Variants in TM7SF3 observed in about 807,000 individuals in gnomAD.
TM7SF3 encodes the protein seven span transmembrane protein.
A neutral mutation model predicts 65.5 loss-of-function variants in TM7SF3; 60 were observed. That is an observed-to-expected ratio of 0.92 (90% CI 0.74 to 1.14). TM7SF3 has a LOEUF of 1.14. Among genes scored for constraint, TM7SF3 ranks in the 50% most tolerant of loss-of-function variants. The pLI, the probability that TM7SF3 is intolerant of heterozygous loss-of-function variation, is 0.00. For synonymous variants in TM7SF3, 264 were observed against 259.6 expected, an observed-to-expected ratio of 1.02 and a Z score of -0.16; for missense variants, 623 against 684.8, an observed-to-expected ratio of 0.91 and a Z score of 1.01.
Position 26,981,885 on chromosome 12 carries a change from T to C in TM7SF3, c.955+888A>G, listed in dbSNP as rs1939832346. 2.6e-5 allele frequency among the ~76,000 whole-genome samples: 4 copies of C among 152,252 alleles called. No homozygotes were observed. In the South Asian group the frequency reaches 6.2e-4, roughly 24 times the overall value. The stretch of plus-strand genomic sequence containing the variant: ...CTTCAGTGTGTTTCACTGATGTTGA[T>C]GCTGGCATTCCCTTTGGCATCTGAA... On this transcript the variant is annotated intron_variant, in intron 7 of 11. Transcript: ENST00000343028.
At chr12:26,985,787 T>C (rs1210764133) in intron 6 of TM7SF3, among the ~76,000 whole-genome samples, 1 of 143,286 alleles carries the variant, frequency 7.0e-6, no homozygotes, top group Non-Finnish European at 1.5e-5. Flanking sequence ...GAGCCTTTGC[T>C]TGGCCAAATT....
In TM7SF3 at chr12:26,995,150, G is replaced by C. The variant is rs565655578; in HGVS notation, c.690+87C>G. ...CCCCCAAAAAGGAGAAAAGAGTAAA[G>C]AAATAAGATCCTGGTAGCTTCTCCC... On this transcript the variant is annotated intron_variant, in intron 5 of 11. Coordinates refer to ENST00000343028, the MANE Select transcript of TM7SF3 (RefSeq NM_016551.3). 4.4e-6 allele frequency: 6 copies of C among 1,357,764 alleles called. No homozygotes were observed. In the East Asian group the frequency reaches 1.4e-4, roughly 31 times the overall value. The allele number at this position is 1,357,764 out of a possible 1,614,324, so 84.1% of individuals were successfully genotyped here.
chr12:26,972,799 A>G lies in TM7SF3; in HGVS notation c.*1166T>C, dbSNP rs887257262. Among the ~76,000 whole-genome samples the G allele has an allele frequency of 1.2e-4, 18 of 152,032 alleles. No homozygotes were observed. The highest frequency in any genetic ancestry group is 4.3e-4 in the African/African-American group (18 of 41,380). Reference sequence around the variant, plus strand: ...TATTTCCTAAAAACAAAAGTAATCCATATGTCATCTAATGCAGTTAAATTA... The same window carrying G: ...TATTTCCTAAAAACAAAAGTAATCCGTATGTCATCTAATGCAGTTAAATTA... On this transcript the variant is annotated 3_prime_UTR_variant, in exon 12 of 12. Transcript: ENST00000343028.
At chr12:27,008,758 T>C (rs1592319119) in intron 1 of TM7SF3, among the ~76,000 whole-genome samples, 1 of 152,100 alleles carries the variant, frequency 6.6e-6, no homozygotes, top group African/African-American at 2.4e-5. Flanking sequence ...CAACCTTCAC[T>C]AAAAATACCA....
intron 10 of TM7SF3, chr12:26,975,864 C>T: frequency 1.8e-6 from 1 of 567,306 alleles, no homozygotes; most frequent in East Asian, 2.9e-5. Flanking sequence ...AAACACAGTT[C>T]AGCTTATCCA....
intron 9 of TM7SF3, chr12:26,977,980 C>A: frequency 2.8e-6 from 1 of 359,628 alleles, no homozygotes; most frequent in Non-Finnish European, 5.5e-6. Context: ...CCTGTAGTCC[C>A]AGCTACTTGG....
rs773225313 is a variant in TM7SF3 at position 27,014,140 on chromosome 12, G to A, written c.29C>T (p.Ala10Val). The change falls in exon 1 of 12, where the codon GCG becomes GTG. Residue 10 changes from alanine to valine, a missense_variant. Physicochemically the swap from Ala to Val is moderately conservative, Grantham distance 64. Coordinates refer to ENST00000343028, the MANE Select transcript of TM7SF3 (RefSeq NM_016551.3). Reference protein sequence around the residue: MGFLQLLVVAVLASEHRVAG... With the variant: MGFLQLLVVVVLASEHRVAG... ...CACCCGGTGTTCGGATGCCAGCACC[G>A]CTACGACCAGCAGCTGCAGGAACCC... 6.4e-7 allele frequency: 1 copy of A among 1,566,740 alleles called. No homozygotes were observed. Among genetic ancestry groups the A allele is most frequent in the South Asian group, 1.2e-5 (1 of 85,170 alleles).
intron 5 of TM7SF3, among the ~76,000 whole-genome samples, chr12:26,990,865 T>C (rs1565876850): frequency 6.6e-6 from 1 of 152,040 alleles, no homozygotes. Flanking sequence ...TTAAGGAAAA[T>C]GCGATATAAA....
At chr12:27,006,140 CTTT>C (rs71437315) in intron 1 of TM7SF3, among the ~76,000 whole-genome samples, 3 of 122,060 alleles carry the variant, frequency 2.5e-5, no homozygotes, top group African/African-American at 3.1e-5. Flanking sequence ...TTTTCTTTTT[CTTT>C]TTTTTTTTTT....
intron 4 of TM7SF3, 88 bp from the exon 5 acceptor site, chr12:26,995,496 C>A (rs374277235): frequency 7.5e-7 from 1 of 1,334,544 alleles, no homozygotes; most frequent in Non-Finnish European, 1.0e-6. Flanking sequence ...ATTTCAAACA[C>A]TTGCAACAAT....
intron 1 of TM7SF3, 100 bp downstream of exon 1, chr12:27,013,978 A>ACCATCT (rs1941343519): frequency 9.9e-7 from 1 of 1,008,094 alleles, no homozygotes; most frequent in Non-Finnish European, 1.5e-6. Context: ...CGCCCCCAGC[A>ACCATCT]CCATCTCCCT....
At chr12:27,007,885 C>A (rs1463979785) in intron 1 of TM7SF3, among the ~76,000 whole-genome samples, 4 of 152,164 alleles carry the variant, frequency 2.6e-5, no homozygotes, top group African/African-American at 9.7e-5. Context: ...TTGTGCAATT[C>A]ATTCCAGCTG....
chr12:26,993,951 T>G (rs1038844705), intron 5 of TM7SF3, among the ~76,000 whole-genome samples: 1 of 152,232 alleles, frequency 6.6e-6, no homozygotes, highest in African/African-American at 2.4e-5. Flanking sequence ...GTCTTTTTCT[T>G]GATTCTTGAA....
Position 26,972,875 on chromosome 12 carries a change from C to G in TM7SF3, c.*1090G>C, listed in dbSNP as rs1160100946. 1.3e-5 allele frequency among the ~76,000 whole-genome samples: 2 copies of G among 151,190 alleles called. No individual in the cohort carries two copies. Among genetic ancestry groups the G allele is most frequent in the African/African-American group, 4.9e-5 (2 of 41,114 alleles). Reference sequence around the variant, plus strand: ...AAAGGCCTTGAAAAAAAAAAGGGGGCCATTATTTGGAATATAAATCACCCT... The same window carrying G: ...AAAGGCCTTGAAAAAAAAAAGGGGGGCATTATTTGGAATATAAATCACCCT... On this transcript the variant is annotated 3_prime_UTR_variant, in exon 12 of 12. Coordinates refer to ENST00000343028, the MANE Select transcript of TM7SF3 (RefSeq NM_016551.3).
chr12:26,984,364 G>A (rs981536343), intron 6 of TM7SF3, among the ~76,000 whole-genome samples: 2 of 151,834 alleles, frequency 1.3e-5, no homozygotes, highest in Non-Finnish European at 2.9e-5. Flanking sequence ...AGGAAGCAGA[G>A]GTTGCAGTGA....
At chr12:27,004,911 T>A (rs1166104524) in intron 1 of TM7SF3, among the ~76,000 whole-genome samples, 1 of 152,092 alleles carries the variant, frequency 6.6e-6, no homozygotes, top group African/African-American at 2.4e-5. Flanking sequence ...TGGACCAAAC[T>A]CCAGCTGGAA....
chr12:26,993,650 T>G (rs962591311), intron 5 of TM7SF3, among the ~76,000 whole-genome samples: 1 of 152,202 alleles, frequency 6.6e-6, no homozygotes, highest in African/African-American at 2.4e-5. Flanking sequence ...TTAGACACCC[T>G]AGAAATATCC....
chr12:27,010,604 T>G (rs1941208777), intron 1 of TM7SF3, among the ~76,000 whole-genome samples: 1 of 152,224 alleles, frequency 6.6e-6, no homozygotes, highest in African/African-American at 2.4e-5. Context: ...TGGAAAAGGA[T>G]TTATTAGAAG....
Position 26,989,264 on chromosome 12 carries a change from C to T in TM7SF3, c.868+1186G>A, listed in dbSNP as rs534324558. Reference sequence around the variant, plus strand: ...CAGCCTGGCCAACATGGTGAAACCCCGACTCTACTAAAAATACAAAAATTA... The same window carrying T: ...CAGCCTGGCCAACATGGTGAAACCCTGACTCTACTAAAAATACAAAAATTA... On this transcript the variant is annotated intron_variant, in intron 6 of 11. Transcript: ENST00000343028. Among the ~76,000 whole-genome samples the T allele has an allele frequency of 1.3e-4, 20 of 152,098 alleles. No individual in the cohort carries two copies. In the South Asian group the frequency reaches 3.1e-3, roughly 24 times the overall value.
Sources: gnomAD v4.1 joint callset for allele counts (sites outside exome capture counted in the v4.1 genomes callset) on GRCh38, gnomAD v4.1.1 for gene constraint, MANE v1.5 for transcripts, NCBI Gene and HGNC (gene_info 2026-07-23, HGNC 2026-07-21) for gene names.